The following MYT1L variants were observed in gnomAD, a reference collection of about 807,000 sequenced individuals.
MYT1L encodes the protein myelin transcription factor 1-like protein.
A neutral mutation model predicts 126.7 loss-of-function variants in MYT1L; 12 were observed. That is an observed-to-expected ratio of 0.09 (90% CI 0.06 to 0.15). The LOEUF (loss-of-function observed/expected upper bound fraction) is 0.15, where lower values mean the gene tolerates loss of function less well. Ranked by LOEUF, MYT1L falls within the 10% of genes least tolerant of loss-of-function variation. MYT1L has a pLI of 1.00. For missense variants in MYT1L, 979 were observed against 1,585.2 expected (o/e 0.62, Z 6.49); for synonymous variants, 541 against 604.2 (o/e 0.90, Z 1.53).
intron 1 of MYT1L, among the ~76,000 whole-genome samples, chr2:2,308,328 C>T (rs1303738451): frequency 4.6e-5 from 7 of 151,946 alleles, no homozygotes; most frequent in Non-Finnish European, 5.9e-5. Flanking sequence ...ACTCCACCTA[C>T]ACTTCACTAT....
intron 2 of MYT1L, among the ~76,000 whole-genome samples, chr2:2,268,752 A>T (rs1270975839): frequency 6.6e-6 from 1 of 152,152 alleles, no homozygotes; most frequent in Non-Finnish European, 1.5e-5. Context: ...GTTAACCCTG[A>T]GCTGCCTTCC....
chr2:2,113,300 A>G (rs1207637133), intron 3 of MYT1L, among the ~76,000 whole-genome samples: 1 of 152,140 alleles, frequency 6.6e-6, no homozygotes, highest in Non-Finnish European at 1.5e-5. Context: ...CATGTGGGGG[A>G]AAAACCTGCC....
intron 18 of MYT1L, chr2:1,883,947 TGA>T (rs1185615606): frequency 6.6e-6 from 1 of 152,224 alleles, no homozygotes; most frequent in Non-Finnish European, 1.5e-5. Context: ...GACAATGAAG[TGA>T]TGGATTTTCT....
chr2:1,853,923 A>G (rs1317618025), intron 18 of MYT1L, among the ~76,000 whole-genome samples: 1 of 152,208 alleles, frequency 6.6e-6, no homozygotes, highest in Non-Finnish European at 1.5e-5. Context: ...GTCATTTATG[A>G]AAGTATAATC....
intron 3 of MYT1L, among the ~76,000 whole-genome samples, chr2:2,077,398 G>T (rs2075341128): frequency 6.6e-6 from 1 of 152,096 alleles, no homozygotes; most frequent in Admixed American, 6.6e-5. Flanking sequence ...AGACATATCA[G>T]GATCAAATTA....
intron 2 of MYT1L, among the ~76,000 whole-genome samples, chr2:2,274,217 C>T (rs1393179166): frequency 1.3e-5 from 2 of 151,478 alleles, no homozygotes; most frequent in African/African-American, 4.9e-5. Flanking sequence ...GATCATTGCA[C>T]ATTGTGTACA....
intron 12 of MYT1L, 78 bp downstream of exon 12, chr2:1,911,942 G>A (rs2149030658): frequency 2.6e-6 from 3 of 1,160,548 alleles, no homozygotes; most frequent in Admixed American, 2.3e-5. Context: ...TATGGAGCGT[G>A]GTAGGCCCCC....
intron 1 of MYT1L, among the ~76,000 whole-genome samples, chr2:2,295,103 ATCACAG>A (rs1194955862): frequency 1.7e-4 from 26 of 152,246 alleles, no homozygotes; most frequent in African/African-American, 6.3e-4. Context: ...GCCTTTCCTG[ATCACAG>A]TCTGTGATAC....
intron 4 of MYT1L, among the ~76,000 whole-genome samples, chr2:2,037,788 C>A (rs571188301): frequency 1.4e-4 from 20 of 144,390 alleles, no homozygotes; most frequent in Admixed American, 3.4e-4. Flanking sequence ...AAAACCCCCC[C>A]AAAAAAACAA....
rs1466715377 is a variant in MYT1L at position 1,922,458 on chromosome 2, G to A, written c.1311C>T (p.Ala437=). The A allele has an allele frequency of 1.9e-6, 3 of 1,613,906 alleles. No homozygotes were observed. Among genetic ancestry groups the A allele is most frequent in the Non-Finnish European group, 2.5e-6 (3 of 1,179,890 alleles). Residue 437 remains alanine, a synonymous_variant, in exon 10 of 25, where the codon GCC becomes GCT. Coordinates refer to ENST00000647738, the MANE Select transcript of MYT1L (RefSeq NM_001303052.2). This position sits in a 1 kb window ranked among gnomAD's most constrained non-coding sequence, Gnocchi z 7.4. ...TKGNLTLLEK[A]IALETERAKA... ...TTGCTCTTTCCGTTTCCAAAGCGAT[G>A]GCTTTCTCCAGCAGGGTCAGGTTCC...
In MYT1L at chr2:1,917,690, C is replaced by T. The variant is rs934119452; in HGVS notation, c.1484-351G>A. 4.6e-5 allele frequency among the ~76,000 whole-genome samples: 7 copies of T among 152,170 alleles called. No homozygotes were observed. The highest frequency in any genetic ancestry group is 3.3e-4 in the Admixed American group (5 of 15,268). On this transcript the variant is annotated intron_variant, in intron 10 of 24. Coordinates refer to ENST00000647738, the MANE Select transcript of MYT1L (RefSeq NM_001303052.2). This position sits in a 1 kb window ranked among gnomAD's most constrained non-coding sequence, Gnocchi z 5.9. ...ATGAGACAGTGACCTTCTTAGAGAACGAAATTCTGTGCCATCATCATTCAG... is the reference window on the plus strand; with the variant it reads ...ATGAGACAGTGACCTTCTTAGAGAATGAAATTCTGTGCCATCATCATTCAG...
chr2:1,833,117 G>A (rs1202920343), intron 21 of MYT1L, among the ~76,000 whole-genome samples: 9 of 152,166 alleles, frequency 5.9e-5, no homozygotes, highest in Non-Finnish European at 2.9e-5. Context: ...CAAGTTCCTA[G>A]GAAGCCTCCT....
intron 3 of MYT1L, among the ~76,000 whole-genome samples, chr2:2,093,893 A>T (rs1427890402): frequency 2.6e-5 from 4 of 152,176 alleles, no homozygotes; most frequent in South Asian, 2.1e-4. Context: ...GGATCCAGTT[A>T]CAGCTTTCTA....
In MYT1L at chr2:1,865,610, C is replaced by T. The variant is rs149488442; in HGVS notation, c.2712-13907G>A. Among the ~76,000 whole-genome samples the T allele has an allele frequency of 7.2e-4, 109 of 151,502 alleles. 1 individual carries two copies. Among genetic ancestry groups the T allele is most frequent in the African/African-American group, 2.5e-3 (102 of 41,278 alleles). On this transcript the variant is annotated intron_variant, in intron 18 of 24. Transcript: ENST00000647738. ...TTTTTTTTCTTTTTTTTTTAAGCAGCTAGGCCAGGTTACAGAGGTCCCGGA... is the reference window on the plus strand; with the variant it reads ...TTTTTTTTCTTTTTTTTTTAAGCAGTTAGGCCAGGTTACAGAGGTCCCGGA...
At chr2:2,274,998 T>C (rs1250553276) in intron 2 of MYT1L, among the ~76,000 whole-genome samples, 1 of 152,020 alleles carries the variant, frequency 6.6e-6, no homozygotes, top group East Asian at 1.9e-4. Context: ...GGCCACACAC[T>C]GAGACCAGGG....
intron 9 of MYT1L, among the ~76,000 whole-genome samples, chr2:1,937,634 T>C (rs1188959035): frequency 2.4e-3 from 163 of 68,658 alleles, no homozygotes; most frequent in Middle Eastern, 0.023. Context: ...GATCGCACAC[T>C]GAGAAGGCCC....
At chr2:1,927,487 A>G (rs900225242) in intron 9 of MYT1L, among the ~76,000 whole-genome samples, 8 of 152,100 alleles carry the variant, frequency 5.3e-5, no homozygotes, top group African/African-American at 1.9e-4. Context: ...AGTCTGGTAG[A>G]GTCAGAACTC....
intron 3 of MYT1L, among the ~76,000 whole-genome samples, chr2:2,122,370 T>C (rs552433331): frequency 6.6e-6 from 1 of 152,228 alleles, no homozygotes; most frequent in African/African-American, 2.4e-5. Flanking sequence ...GGATACGAGG[T>C]GCTCAGAGCA....
rs1351318010 is a variant in MYT1L, at chr2:2,321,863, T to C, written c.-521+9104A>G. Among the ~76,000 whole-genome samples the C allele has an allele frequency of 3.3e-5, 5 of 152,196 alleles. No individual in the cohort carries two copies. The East Asian group carries it at 5.8e-4, about 18-fold the overall frequency. ...GAGTGTTCTATGTAAACAGTCAGAC[T>C]TCAGTAAAAAGCAGTCAGTATGTAA... On this transcript the variant is annotated intron_variant, in intron 1 of 24. Coordinates refer to ENST00000647738, the MANE Select transcript of MYT1L (RefSeq NM_001303052.2).
Sources: allele counts gnomAD v4.1 joint callset (sites outside exome capture counted in the v4.1 genomes callset), GRCh38; gene constraint gnomAD v4.1.1; non-coding constraint Gnocchi (gnomAD v3.1); transcripts MANE v1.5; gene names NCBI Gene and HGNC (gene_info 2026-07-23, HGNC 2026-07-21).